The following MINAR2 variants were observed in gnomAD, a reference collection of about 807,000 sequenced individuals.
The protein encoded by MINAR2 is major intrinsically disordered NOTCH2-binding receptor 1-like.
A neutral mutation model predicts 16.1 loss-of-function variants in MINAR2; 21 were observed. That is an observed-to-expected ratio of 1.31 (90% confidence interval 0.93 to 1.88). The LOEUF (loss-of-function observed/expected upper bound fraction) is 1.88, where lower values mean the gene tolerates loss of function less well. Ranked by LOEUF, MINAR2 falls within the 40% of genes most tolerant of loss-of-function variation. The pLI, the probability that MINAR2 is intolerant of heterozygous loss-of-function variation, is 0.00. For synonymous variants in MINAR2, 86 were observed against 83.0 expected (o/e 1.04, Z -0.20); for missense variants, 259 against 229.8 (o/e 1.13, Z -0.82).
At position 129,764,937 on chromosome 5, in the gene MINAR2, T is replaced by C; in HGVS notation, c.447T>C (p.Phe149=). The stretch of plus-strand genomic sequence containing the variant: ...TGGGAGACATGTACACTCCAGGTTT[T>C]GACACTTTATTGAAAAAGGAAGAGA... The part of the protein sequence containing the change: ...FWLGDMYTPG[F]DTLLKKEEKQ... The change falls in exon 3 of 3, where the codon TTT becomes TTC. Residue 149 remains phenylalanine (F), a synonymous_variant. Transcript: ENST00000564719. The C allele has an allele frequency of 7.1e-7, 1 of 1,399,380 alleles. No individual in the cohort carries two copies. The highest frequency in any genetic ancestry group is 1.8e-5 in the South Asian group (1 of 56,896). 86.7% of individuals were successfully genotyped at this position (1,399,380 alleles called of 1,614,324 possible).
intron 2 of MINAR2, among the ~76,000 whole-genome samples, chr5:129,764,284 G>A (rs532041443): frequency 2.6e-5 from 4 of 152,068 alleles, no homozygotes; most frequent in Non-Finnish European, 2.9e-5. Context: ...GTCAAACAAA[G>A]TTTCTGCATG....
chr5:129,765,478 A>G lies in MINAR2; in HGVS notation c.*415A>G, dbSNP rs1279769165. 1 of 154,314 alleles carries G rather than the reference A, an allele frequency of 6.5e-6. No homozygotes were observed. The highest frequency in any genetic ancestry group is 2.4e-5 in the African/African-American group (1 of 41,584). The allele number at this position is 154,314 out of a possible 1,614,324, so 9.6% of individuals were successfully genotyped here. ...ACCACCTCATCCTCCTGTGATCACC[A>G]GAAAAGTTTGAGCTGATAATTTTTT... On this transcript the variant is annotated 3_prime_UTR_variant, in exon 3 of 3. Transcript: ENST00000564719.
intron 1 of MINAR2, among the ~76,000 whole-genome samples, chr5:129,751,864 G>A (rs12187867): frequency 0.18 from 27,305 of 152,054 alleles, 2,680 homozygotes; most frequent in East Asian, 0.3. Context: ...TTAAACAAAT[G>A]TGATAAAATA....
In MINAR2 at chr5:129,766,659, AACAAAC is replaced by A. The variant is rs1758223942; in HGVS notation, c.*1598_*1603del. On this transcript the variant is annotated 3_prime_UTR_variant, in exon 3 of 3. Transcript: ENST00000564719. ...TAAAAAAAAAAAAAAAAAAAAAACA[AACAAAC>A]AAACAAAAAAAACCCCAAAAAAAGA... 2 of 141,958 alleles carry A rather than the reference AACAAAC, an allele frequency of 1.4e-5. No homozygotes were observed. The highest frequency in any genetic ancestry group is 5.6e-5 in the African/African-American group (2 of 35,866). 8.8% of individuals were successfully genotyped at this position (141,958 alleles called of 1,614,324 possible). A position where few individuals can be genotyped will look rare whatever the true frequency, so the allele number is the denominator to read the frequency against.
chr5:129,758,760 G>A (rs914315463), intron 1 of MINAR2, among the ~76,000 whole-genome samples: 1 of 151,868 alleles, frequency 6.6e-6, no homozygotes, highest in African/African-American at 2.4e-5. Context: ...AAAAAATTAA[G>A]TAAAAATTAT....
chr5:129,761,729 G>A (rs1246433601), intron 2 of MINAR2, among the ~76,000 whole-genome samples: 2 of 152,032 alleles, frequency 1.3e-5, no homozygotes, highest in African/African-American at 4.8e-5. Context: ...AGAAAAAAAA[G>A]TACTGATTTA....
chr5:129,750,576 C>T (rs1757974067), intron 1 of MINAR2, among the ~76,000 whole-genome samples: 1 of 152,012 alleles, frequency 6.6e-6, no homozygotes, highest in African/African-American at 2.4e-5. Context: ...TTCCATATTT[C>T]CTTAAAAGTG....
chr5:129,750,395 G>T (rs1048623485), intron 1 of MINAR2, among the ~76,000 whole-genome samples: 1 of 152,124 alleles, frequency 6.6e-6, no homozygotes, highest in South Asian at 2.1e-4. Flanking sequence ...TTAATTTAAA[G>T]CTCACACTCC....
chr5:129,760,454 C>T lies in MINAR2; in HGVS notation c.242C>T (p.Pro81Leu), dbSNP rs752758832. 5.1e-5 allele frequency: 79 copies of T among 1,535,856 alleles called. No homozygotes were observed. In the South Asian group the frequency reaches 8.9e-4, roughly 17 times the overall value. The change falls in exon 2 of 3, where the codon CCA becomes CTA. Residue 81 changes from proline to leucine, a missense_variant. Pro to Leu is a moderately conservative substitution (Grantham distance 98). Transcript: ENST00000564719. ...AGCCTTGTCACTGCTGATAGCCCCC[C>T]ACCATCCATGTCATCAGTTATGAAG... is the stretch of plus-strand genomic sequence containing the variant. ...ADSLVTADSP[P>L]PSMSSVMKNN...
chr5:129,764,930 C>A lies in MINAR2; in HGVS notation c.440C>A (p.Pro147Gln). Residue 147 changes from proline to glutamine, a missense_variant, in exon 3 of 3, where the codon CCA becomes CAA. Pro to Gln is a moderately conservative substitution (Grantham distance 76). Coordinates refer to ENST00000564719, the MANE Select transcript of MINAR2 (RefSeq NM_001257308.2). Reference protein sequence around the residue: ...LRFWLGDMYTPGFDTLLKKEE... With the variant: ...LRFWLGDMYTQGFDTLLKKEE... ...TTTTGGTTGGGAGACATGTACACTC[C>A]AGGTTTTGACACTTTATTGAAAAAG... The A allele has an allele frequency of 7.2e-7, 1 of 1,384,320 alleles. No homozygotes were observed. Among genetic ancestry groups the A allele is most frequent in the Non-Finnish European group, 9.3e-7 (1 of 1,070,506 alleles). The allele number at this position is 1,384,320 out of a possible 1,614,324, so 85.8% of individuals were successfully genotyped here.
intron 1 of MINAR2, among the ~76,000 whole-genome samples, chr5:129,751,233 T>TA (rs1757981185): frequency 1.3e-5 from 2 of 151,894 alleles, no homozygotes; most frequent in African/African-American, 4.8e-5. Context: ...TTCTGAGACA[T>TA]AGTCTCACTC....
Position 129,748,460 on chromosome 5 carries a change from A to G in MINAR2, c.165+105A>G, listed in dbSNP as rs115273603. The G allele has an allele frequency of 5.9e-4, 680 of 1,155,820 alleles. No homozygotes were observed. The African/African-American group carries it at 8.8e-3, about 15-fold the overall frequency. 71.6% of individuals were successfully genotyped at this position (1,155,820 alleles called of 1,614,324 possible). On this transcript the variant is annotated intron_variant, in intron 1 of 2. Transcript: ENST00000564719. ...AAGAAGCCTATAGGAACAGAGTACA[A>G]GGTAGCTGCTCTGTCTTCCAACTTA...
Position 129,748,218 on chromosome 5 carries a change from A to C in MINAR2, c.28A>C (p.Asn10His). The C allele has an allele frequency of 6.5e-7, 1 of 1,535,164 alleles. No individual in the cohort carries two copies. The highest frequency in any genetic ancestry group is 8.7e-7 in the Non-Finnish European group (1 of 1,146,514). The change falls in exon 1 of 3, where the codon AAC (asparagine) becomes CAC (histidine). Residue 10 changes from asparagine to histidine, a missense_variant. Physicochemically the swap from Asn to His is moderately conservative, Grantham distance 68. Coordinates refer to ENST00000564719, the MANE Select transcript of MINAR2 (RefSeq NM_001257308.2). Reference sequence around the variant, plus strand: ...GGATCTCTCTGTTTTGCCAAATAACAACCATCCTGACAAATTCCTGCAGCT... The same window carrying C: ...GGATCTCTCTGTTTTGCCAAATAACCACCATCCTGACAAATTCCTGCAGCT... MDLSVLPNNNHPDKFLQLDV... is the reference protein window; with the variant it reads MDLSVLPNNHHPDKFLQLDV...
chr5:129,753,468 G>A (rs1474318948), intron 1 of MINAR2, among the ~76,000 whole-genome samples: 3 of 112,650 alleles, frequency 2.7e-5, no homozygotes, highest in Non-Finnish European at 5.0e-5. Context: ...AGGCAACAGA[G>A]CAAGACTGTC....
chr5:129,758,374 T>C (rs537180404), intron 1 of MINAR2, among the ~76,000 whole-genome samples: 1 of 152,132 alleles, frequency 6.6e-6, no homozygotes, highest in South Asian at 2.1e-4. Flanking sequence ...AATAAATTTA[T>C]ACTATTAATT....
At chr5:129,757,592 T>C (rs1271559576) in intron 1 of MINAR2, among the ~76,000 whole-genome samples, 1 of 152,010 alleles carries the variant, frequency 6.6e-6, no homozygotes, top group African/African-American at 2.4e-5. Flanking sequence ...TCTTTTTTTG[T>C]AGTCTTTTTA....
intron 2 of MINAR2, among the ~76,000 whole-genome samples, chr5:129,762,309 A>T (rs940008073): frequency 1.3e-5 from 2 of 152,222 alleles, no homozygotes; most frequent in Admixed American, 6.5e-5. Context: ...ACATTTGCCA[A>T]TACTGGTTAC....
chr5:129,757,444 G>A (rs1018690385), intron 1 of MINAR2, among the ~76,000 whole-genome samples: 3 of 151,848 alleles, frequency 2.0e-5, no homozygotes, highest in African/African-American at 7.2e-5. Flanking sequence ...CATTTCTGTT[G>A]TAAATATTTT....
chr5:129,749,531 T>C (rs1757960938), intron 1 of MINAR2, among the ~76,000 whole-genome samples: 1 of 152,198 alleles, frequency 6.6e-6, no homozygotes, highest in Non-Finnish European at 1.5e-5. Context: ...TGCCATTTCA[T>C]ACCCAGCCAT....
Sources: allele counts gnomAD v4.1 joint callset (sites outside exome capture counted in the v4.1 genomes callset), GRCh38; gene constraint gnomAD v4.1.1; transcripts MANE v1.5; gene names NCBI Gene and HGNC (gene_info 2026-07-23, HGNC 2026-07-21).